AMTN: variants seen among roughly 807,000 people sequenced by gnomAD.
AMTN encodes RSTI689.
AMTN carries 29 observed loss-of-function variants against 27.4 expected under a neutral mutation model. The observed-to-expected ratio is 1.06, with a 90% CI of 0.79 to 1.44. The LOEUF (loss-of-function observed/expected upper bound fraction) is 1.44. Ranked by LOEUF, AMTN falls within the 40% of genes most tolerant of loss-of-function variation. The pLI is 0.00. For synonymous variants in AMTN, 86 were observed against 95.7 expected (o/e 0.90, Z 0.59); for missense variants, 247 against 248.8 (o/e 0.99, Z 0.05).
In AMTN at chr4:70,518,844, T is replaced by A; in HGVS notation, c.54+13T>A. On this transcript the variant is annotated intron_variant, in intron 2 of 8. Transcript: ENST00000339336. ...TCGGTCATTACCAGTAAGTATGTTA[T>A]GTTTGTTTTATATGCCAGCCAGTTT... 1 of 1,604,162 alleles carries A rather than the reference T, an allele frequency of 6.2e-7. No individual in the cohort carries two copies. The highest frequency in any genetic ancestry group is 8.5e-7 in the Non-Finnish European group (1 of 1,170,904).
chr4:70,529,270 C>T, intron 7 of AMTN, 60 bp downstream of exon 7: 4 of 1,286,090 alleles, frequency 3.1e-6, no homozygotes, highest in East Asian at 2.6e-5. Context: ...TGTTTTCTGT[C>T]CTCATATAGT....
rs1735877983 is a variant in AMTN, at chr4:70,518,793, C to T, written c.16C>T (p.Leu6=). 6.2e-7 allele frequency: 1 copy of T among 1,608,002 alleles called. No homozygotes were observed. The highest frequency in any genetic ancestry group is 2.2e-5 in the East Asian group (1 of 44,818). The part of the protein sequence containing the change: MRSTI[L]LFCLLGSTRS... ...AATCTGAAACATGAGGAGTACGATT[C>T]TACTGTTTTGTCTTCTAGGATCAAC... The change falls in exon 2 of 9, where the codon CTA becomes TTA. Residue 6 remains leucine, a synonymous_variant. Transcript: ENST00000339336.
intron 2 of AMTN, among the ~76,000 whole-genome samples, chr4:70,521,374 C>T (rs1262141555): frequency 2.4e-5 from 2 of 83,700 alleles, no homozygotes; most frequent in African/African-American, 9.6e-5. Context: ...AACAAGACTC[C>T]ACTTAAAAAA....
intron 3 of AMTN, among the ~76,000 whole-genome samples, 173 bp downstream of exon 3, chr4:70,523,011 C>T (rs746970202): frequency 2.6e-5 from 4 of 152,108 alleles, no homozygotes; most frequent in Non-Finnish European, 5.9e-5. Context: ...GGAAAAGAAC[C>T]GATATAATTT....
chr4:70,526,536 GATA>G (rs1736102541), intron 5 of AMTN, among the ~76,000 whole-genome samples: 1 of 152,054 alleles, frequency 6.6e-6, no homozygotes, highest in South Asian at 2.1e-4. Context: ...AAAGTATCTT[GATA>G]ATAAAATTTT....
chr4:70,522,774 G>T lies in AMTN; in HGVS notation c.74G>T (p.Gly25Val). The change falls in exon 3 of 9, where the codon GGA becomes GTA. Residue 25 changes from glycine to valine, a missense_variant. By Grantham distance (109) the Gly-to-Val change is moderately radical (BLOSUM62 -3). Transcript: ENST00000339336. The stretch of plus-strand genomic sequence containing the variant: ...CAAAAGCAGCTCAAACCTGCTTTGG[G>T]ACTCCCTCCCACAAAACTGGCTCCG... ...RSLPQLKPAL[G>V]LPPTKLAPDQ... is the part of the protein sequence containing the mutation. 1.2e-6 allele frequency: 2 copies of T among 1,613,976 alleles called. No individual in the cohort carries two copies. Among genetic ancestry groups the T allele is most frequent in the Non-Finnish European group, 1.7e-6 (2 of 1,179,908 alleles).
intron 2 of AMTN, 26 bp from the exon 3 acceptor site, chr4:70,522,729 C>G (rs921801005): frequency 6.2e-7 from 1 of 1,610,408 alleles, no homozygotes; most frequent in Admixed American, 1.7e-5. Context: ...CCTGCCTCAT[C>G]AAATATGTAT....
At chr4:70,522,714 A>G in intron 2 of AMTN, 41 bp from the exon 3 acceptor site, 1 of 1,592,372 alleles carries the variant, frequency 6.3e-7, no homozygotes. Context: ...AATCTTAAAC[A>G]CATTCCTGCC....
Position 70,522,775 on chromosome 4 carries a change from ACTCC to A in AMTN, c.81_84del (p.Pro28GlnfsTer23), listed in dbSNP as rs1173194069. ...AAAAGCAGCTCAAACCTGCTTTGGG[ACTCC>A]CTCCCACAAAACTGGCTCCGGATCA... On this transcript the variant is annotated frameshift_variant, in exon 3 of 9. Transcript: ENST00000339336. LOFTEE classifies it high-confidence loss of function. The A allele has an allele frequency of 6.2e-7, 1 of 1,613,736 alleles. No individual in the cohort carries two copies. The highest frequency in any genetic ancestry group is 8.5e-7 in the Non-Finnish European group (1 of 1,179,886).
At chr4:70,521,640 C>CTTTTTTTTTTTTTTTTTTT (rs763143860) in intron 2 of AMTN, among the ~76,000 whole-genome samples, 16 of 76,486 alleles carry the variant, frequency 2.1e-4, no homozygotes, top group East Asian at 5.3e-4. Flanking sequence ...ACCAACCTCT[C>CTTTTTTTTTTTTTTTTTTT]TTTTTTTTTT....
chr4:70,519,019 C>T (rs1038732412), intron 2 of AMTN, among the ~76,000 whole-genome samples, 188 bp downstream of exon 2: 2 of 152,118 alleles, frequency 1.3e-5, no homozygotes, highest in African/African-American at 4.8e-5. Flanking sequence ...TTTCAATGTA[C>T]TTGCATTTTT....
In AMTN at chr4:70,532,500, A is replaced by C; in HGVS notation, c.*35A>C. The stretch of plus-strand genomic sequence containing the variant: ...AATTTTTTCAACTAAGCTGCCTCGA[A>C]TTTGGTGATACATGTGAATCTTTAT... On this transcript the variant is annotated 3_prime_UTR_variant, in exon 9 of 9. Coordinates refer to ENST00000339336, the MANE Select transcript of AMTN (RefSeq NM_212557.4). 1.9e-6 allele frequency: 3 copies of C among 1,599,436 alleles called. No homozygotes were observed. Among genetic ancestry groups the C allele is most frequent in the Non-Finnish European group, 2.6e-6 (3 of 1,168,828 alleles).
chr4:70,521,316 G>T (rs1489169925), intron 2 of AMTN, among the ~76,000 whole-genome samples: 1 of 150,498 alleles, frequency 6.6e-6, no homozygotes, highest in African/African-American at 2.4e-5. Context: ...GGAGGTGGAG[G>T]TTGCAGTGAG....
chr4:70,528,758 G>A lies in AMTN; in HGVS notation c.330G>A (p.Gln110=). ...TTTTTGTCACACAACTTGGAGCCCA[G>A]GTAAAAATTATGCTTAATATTGTCT... is the stretch of plus-strand genomic sequence containing the variant. ...LPIFVTQLGA[Q]GTILSSEELP... is the part of the protein sequence containing the mutation. Residue 110 remains glutamine, a splice_region_variant and synonymous_variant, in exon 6 of 9, where the codon CAG becomes CAA. Transcript: ENST00000339336. 6.3e-7 allele frequency: 1 copy of A among 1,591,642 alleles called. No homozygotes were observed. The highest frequency in any genetic ancestry group is 8.5e-7 in the Non-Finnish European group (1 of 1,172,504).
chr4:70,521,396 A>C (rs1301421540), intron 2 of AMTN, among the ~76,000 whole-genome samples: 1 of 127,454 alleles, frequency 7.8e-6, no homozygotes, highest in Non-Finnish European at 1.7e-5. Context: ...AAAAAAAAAG[A>C]AGAAGAAAAG....
At chr4:70,525,002 C>A (rs1736070923) in intron 5 of AMTN, 41 bp downstream of exon 5, 1 of 1,565,314 alleles carries the variant, frequency 6.4e-7, no homozygotes, top group South Asian at 1.2e-5. Context: ...CATTAGAGAG[C>A]ATTTTCTCTC....
chr4:70,519,309 G>T (rs542919398), intron 2 of AMTN, among the ~76,000 whole-genome samples: 26 of 151,982 alleles, frequency 1.7e-4, no homozygotes, highest in Non-Finnish European at 3.7e-4. Flanking sequence ...CAAAATTTTT[G>T]ACTTAGAACA....
In AMTN at chr4:70,532,462, G is replaced by A. The variant is rs958515108; in HGVS notation, c.627G>A (p.Gln209=). ...TGTTTTATTTTCTTCCAGGAATTCAGTAAGCTGTTTCAAATTTTTTCAACT... is the reference window on the plus strand; with the variant it reads ...TGTTTTATTTTCTTCCAGGAATTCAATAAGCTGTTTCAAATTTTTTCAACT... The part of the protein sequence containing the change: ...EATTESANGI[Q] Residue 209 remains glutamine, a synonymous_variant, in exon 9 of 9, where the codon CAG becomes CAA. Coordinates refer to ENST00000339336, the MANE Select transcript of AMTN (RefSeq NM_212557.4). 2.0e-5 allele frequency: 32 copies of A among 1,606,074 alleles called. No individual in the cohort carries two copies. Among genetic ancestry groups the A allele is most frequent in the Non-Finnish European group, 2.7e-5 (32 of 1,175,222 alleles).
chr4:70,531,223 A>G lies in AMTN; in HGVS notation c.542A>G (p.Asp181Gly). Residue 181 changes from aspartate to glycine, a missense_variant, in exon 8 of 9, where the codon GAC becomes GGC. Asp to Gly is a moderately conservative substitution (Grantham distance 94). Coordinates refer to ENST00000339336, the MANE Select transcript of AMTN (RefSeq NM_212557.4). ...CCAACTCCCAGTGGCACAGATGACG[A>G]CTTTGCAGTGACCACCCCTGCAGGC... is the stretch of plus-strand genomic sequence containing the variant. ...RLPTPSGTDDDFAVTTPAGIQ... is the reference protein window; with the variant it reads ...RLPTPSGTDDGFAVTTPAGIQ... 1 of 1,614,036 alleles carries G rather than the reference A, an allele frequency of 6.2e-7. No individual in the cohort carries two copies. Among genetic ancestry groups the G allele is most frequent in the Non-Finnish European group, 8.5e-7 (1 of 1,179,988 alleles).
Sources: allele counts gnomAD v4.1 joint callset (sites outside exome capture counted in the v4.1 genomes callset), GRCh38; gene constraint gnomAD v4.1.1; transcripts MANE v1.5; gene names NCBI Gene and HGNC (gene_info 2026-07-23, HGNC 2026-07-21).